Variants in STX8 observed in about 807,000 individuals in gnomAD.
STX8 encodes the protein syntaxin 8.
A neutral mutation model predicts 37.5 loss-of-function variants in STX8; 23 were observed. That is an observed-to-expected ratio of 0.61 (90% confidence interval 0.44 to 0.87). The LOEUF (loss-of-function observed/expected upper bound fraction) is 0.87. STX8 is among the 40% of genes least tolerant of loss of function. The pLI, the probability that STX8 is intolerant of heterozygous loss-of-function variation, is 0.00. For synonymous variants in STX8, 115 were observed against 99.1 expected, an observed-to-expected ratio of 1.16 and a Z score of -0.95; for missense variants, 313 against 284.7, an observed-to-expected ratio of 1.10 and a Z score of -0.71.
chr17:9,468,131 T>C (rs1039012463), intron 6 of STX8, among the ~76,000 whole-genome samples: 3 of 152,162 alleles, frequency 2.0e-5, no homozygotes, highest in African/African-American at 7.2e-5. Flanking sequence ...TTTTTTGAGA[T>C]GGAGTTTTGC....
chr17:9,492,997 C>T (rs1906920271), intron 5 of STX8, among the ~76,000 whole-genome samples: 1 of 151,784 alleles, frequency 6.6e-6, no homozygotes, highest in Non-Finnish European at 1.5e-5. Flanking sequence ...ACTGGGGAGG[C>T]TGAGGCAGGA....
chr17:9,260,936 G>C (rs1906999669), intron 7 of STX8, among the ~76,000 whole-genome samples: 1 of 152,256 alleles, frequency 6.6e-6, no homozygotes, highest in Non-Finnish European at 1.5e-5. Context: ...TGTCGGAAAA[G>C]AGAACGGTGT....
At chr17:9,393,928 A>G (rs1047173537) in intron 6 of STX8, among the ~76,000 whole-genome samples, 1 of 152,120 alleles carries the variant, frequency 6.6e-6, no homozygotes, top group African/African-American at 2.4e-5. Context: ...ACAAACCTAC[A>G]CATGTGTAAA....
At chr17:9,343,034 A>G (rs60154073) in intron 7 of STX8, among the ~76,000 whole-genome samples, 15 of 131,234 alleles carry the variant, frequency 1.1e-4, no homozygotes, top group Admixed American at 5.8e-4. Flanking sequence ...AAAAAAAAAA[A>G]AAAAAAAAAG....
rs1359064314 is a variant in STX8 at position 9,509,380 on chromosome 17, T to G, written c.324-4218A>C. ...CTTACCAACCAAGAGAGAATAGGAT[T>G]TTATGTTCAAAGTACTAAAAGAAAA... On this transcript the variant is annotated intron_variant, in intron 4 of 7. Transcript: ENST00000306357. Among the ~76,000 whole-genome samples, 8 of 151,686 alleles carry G rather than the reference T, an allele frequency of 5.3e-5. No homozygotes were observed. In the East Asian group the frequency reaches 1.5e-3, roughly 29 times the overall value.
chr17:9,394,233 G>A (rs754180027), intron 6 of STX8, among the ~76,000 whole-genome samples: 8 of 152,146 alleles, frequency 5.3e-5, no homozygotes, highest in Non-Finnish European at 8.8e-5. Context: ...CATGCTAAGC[G>A]CGGCTTTGGA....
At chr17:9,575,008 C>A (rs957407827) in intron 1 of STX8, among the ~76,000 whole-genome samples, 3 of 152,154 alleles carry the variant, frequency 2.0e-5, no homozygotes, top group African/African-American at 7.2e-5. Flanking sequence ...CATATTCCAA[C>A]AAGAACGTTA....
intron 7 of STX8, among the ~76,000 whole-genome samples, chr17:9,323,043 T>C (rs968371537): frequency 3.9e-5 from 6 of 152,016 alleles, no homozygotes; most frequent in Non-Finnish European, 8.8e-5. Context: ...ATTGAGAAGA[T>C]CTTAAAAAAT....
intron 1 of STX8, among the ~76,000 whole-genome samples, chr17:9,571,804 A>C (rs1049064786): frequency 6.7e-6 from 1 of 148,858 alleles, no homozygotes; most frequent in African/African-American, 2.5e-5. Context: ...AATCCCAGCT[A>C]CTCGGGAGGC....
At chr17:9,321,227 A>T (rs1049149103) in intron 7 of STX8, among the ~76,000 whole-genome samples, 1 of 152,162 alleles carries the variant, frequency 6.6e-6, no homozygotes, top group Non-Finnish European at 1.5e-5. Flanking sequence ...GGTAATGTCT[A>T]AAGTTGAAAA....
intron 4 of STX8, among the ~76,000 whole-genome samples, chr17:9,526,638 G>A (rs763764740): frequency 2.6e-5 from 4 of 152,316 alleles, no homozygotes; most frequent in Admixed American, 6.5e-5. Flanking sequence ...TTGGGGGGCC[G>A]ATATGGGCTG....
rs188000190 is a variant in STX8, at chr17:9,418,625, G to A, written c.542-39972C>T. ...AGGCGGATCATGAGATCAGGAGATC[G>A]AGACCATCCTGGCTAACACGTGAAA... is the stretch of plus-strand genomic sequence containing the variant. On this transcript the variant is annotated intron_variant, in intron 6 of 7. Coordinates refer to ENST00000306357, the MANE Select transcript of STX8 (RefSeq NM_004853.3). Among the ~76,000 whole-genome samples the A allele has an allele frequency of 1.8e-3, 265 of 151,066 alleles. 3 individuals carry two copies. Among genetic ancestry groups the A allele is most frequent in the East Asian group, 0.011 (56 of 5,130 alleles).
intron 1 of STX8, among the ~76,000 whole-genome samples, chr17:9,569,094 C>T (rs887661792): frequency 1.4e-4 from 22 of 152,176 alleles, no homozygotes; most frequent in African/African-American, 4.8e-4. Flanking sequence ...CAAACCAAGG[C>T]CGTCTGGCCC....
chr17:9,266,407 T>C (rs918684091), intron 7 of STX8, among the ~76,000 whole-genome samples: 3 of 152,174 alleles, frequency 2.0e-5, no homozygotes, highest in Non-Finnish European at 2.9e-5. Flanking sequence ...TATGCCCAGA[T>C]GAGAAGTGTG....
At chr17:9,259,704 T>C (rs1243759880) in intron 7 of STX8, among the ~76,000 whole-genome samples, 1 of 152,082 alleles carries the variant, frequency 6.6e-6, no homozygotes, top group Non-Finnish European at 1.5e-5. Flanking sequence ...GCCCAGACTT[T>C]TTAAAAGCCA....
intron 7 of STX8, among the ~76,000 whole-genome samples, chr17:9,312,760 TTAGAGG>T (rs550776866): frequency 1.1e-3 from 161 of 152,240 alleles, no homozygotes; most frequent in African/African-American, 3.8e-3. Flanking sequence ...ATTTTTAGAG[TTAGAGG>T]TAGAACAGTT....
chr17:9,549,460 T>C (rs1431734170), intron 3 of STX8, among the ~76,000 whole-genome samples: 2 of 152,198 alleles, frequency 1.3e-5, no homozygotes, highest in South Asian at 2.1e-4. Context: ...GCTAAGTCAC[T>C]TGCCTGGGTT....
At chr17:9,501,412 T>C (rs967112438) in intron 5 of STX8, among the ~76,000 whole-genome samples, 2 of 152,084 alleles carry the variant, frequency 1.3e-5, no homozygotes, top group Non-Finnish European at 2.9e-5. Context: ...AATAGGCCCA[T>C]ACGCGCAGCA....
At chr17:9,559,551 TAG>T (rs1907122157) in intron 2 of STX8, among the ~76,000 whole-genome samples, 1 of 150,922 alleles carries the variant, frequency 6.6e-6, no homozygotes, top group South Asian at 2.1e-4. Flanking sequence ...AAACTAAGAA[TAG>T]AACACTACTG....
Sources: allele counts gnomAD v4.1 joint callset (sites outside exome capture counted in the v4.1 genomes callset), GRCh38; gene constraint gnomAD v4.1.1; transcripts MANE v1.5; gene names NCBI Gene and HGNC (gene_info 2026-07-23, HGNC 2026-07-21).